The following NFYC variants were observed in gnomAD, a reference collection of about 807,000 sequenced individuals.
NFYC encodes the protein CAAT box DNA-binding protein subunit C.
NFYC carries 25 observed loss-of-function variants against 53.1 expected under a neutral mutation model. The ratio of observed to expected loss-of-function variants is 0.47; its 90% CI spans 0.34 to 0.66. NFYC has a LOEUF of 0.66. Ranked by LOEUF, NFYC falls within the 30% of genes least tolerant of loss-of-function variation. The pLI is 0.01. For synonymous variants in NFYC, 145 were observed against 152.6 expected (o/e 0.95, Z 0.37); for missense variants, 260 against 422.7 (o/e 0.62, Z 3.38).
rs1647026562 is a variant in NFYC at position 40,770,331 on chromosome 1, G to T, written c.889-378G>T. 2.1e-6 allele frequency: 3 copies of T among 1,450,882 alleles called. No homozygotes were observed. Among genetic ancestry groups the T allele is most frequent in the Middle Eastern group, 1.8e-4 (1 of 5,624 alleles). 89.9% of individuals were successfully genotyped at this position (1,450,882 alleles called of 1,614,324 possible). The stretch of plus-strand genomic sequence containing the variant: ...TGCCCCTGCCAGTGTAGATTACCAA[G>T]AGTTGGGGAAATGCTGACTTCCAAG... On this transcript the variant is annotated intron_variant, in intron 9 of 9. Transcript: ENST00000447388. This position sits in a 1 kb window ranked among gnomAD's most constrained non-coding sequence, Gnocchi z 5.3.
intron 3 of NFYC, 82 bp from the exon 4 acceptor site, chr1:40,749,491 C>A: frequency 1.9e-6 from 2 of 1,073,544 alleles, no homozygotes; most frequent in Non-Finnish European, 2.9e-6. Context: ...CCCCATAGTC[C>A]CATGCCAGGC....
chr1:40,748,159 T>C (rs1466175449), intron 3 of NFYC, among the ~76,000 whole-genome samples: 5 of 151,536 alleles, frequency 3.3e-5, no homozygotes, highest in Non-Finnish European at 7.4e-5. Context: ...TGAGACAGGG[T>C]CTCACTCTGT....
At position 40,771,315 on chromosome 1, in the gene NFYC, CT is replaced by C; in HGVS notation, c.*492del. ...GGAATTAGGTGAATGTGTGTAGCTG[CT>C]TTTTCACTCGTGGTCCTCTCCCCAT... On this transcript the variant is annotated 3_prime_UTR_variant, in exon 10 of 10. Coordinates refer to ENST00000447388, the MANE Select transcript of NFYC (RefSeq NM_014223.5). The C allele has an allele frequency of 2.6e-6, 1 of 388,188 alleles. No individual in the cohort carries two copies. 24.0% of individuals were successfully genotyped at this position (388,188 alleles called of 1,614,324 possible). A position where few individuals can be genotyped will look rare whatever the true frequency, so the allele number is the denominator to read the frequency against.
At chr1:40,750,183 G>A (rs141580620) in intron 4 of NFYC, among the ~76,000 whole-genome samples, 44 of 150,728 alleles carry the variant, frequency 2.9e-4, no homozygotes, top group East Asian at 2.5e-3. Context: ...TTAACCTAGC[G>A]AATTCACATT....
chr1:40,769,456 G>A (rs1055354512), intron 9 of NFYC, 41 bp downstream of exon 9: 1 of 1,580,794 alleles, frequency 6.3e-7, no homozygotes, highest in Admixed American at 1.7e-5. Context: ...GTGAGGATTT[G>A]CGGGGCAGGG....
At chr1:40,734,443 A>C (rs770429359) in intron 1 of NFYC, among the ~76,000 whole-genome samples, 1 of 151,258 alleles carries the variant, frequency 6.6e-6, no homozygotes, top group Non-Finnish European at 1.5e-5. Flanking sequence ...GCTCACTGCA[A>C]CCTCCACCTC....
intron 1 of NFYC, 65 bp from the exon 2 acceptor site, chr1:40,738,771 C>T: frequency 5.2e-6 from 6 of 1,161,538 alleles, no homozygotes; most frequent in Non-Finnish European, 7.6e-6. Flanking sequence ...ATACAAATGC[C>T]TAATCTGGAC....
chr1:40,718,284 C>T (rs1210147835), intron 1 of NFYC, among the ~76,000 whole-genome samples: 2 of 152,148 alleles, frequency 1.3e-5, no homozygotes, highest in African/African-American at 4.8e-5. Context: ...ATTATCATCC[C>T]CCATTTTGAG....
intron 1 of NFYC, among the ~76,000 whole-genome samples, chr1:40,710,057 G>T (rs985860379): frequency 1.1e-4 from 17 of 152,178 alleles, no homozygotes; most frequent in African/African-American, 3.9e-4. Flanking sequence ...GTGAAAATAC[G>T]ATTTGCACTG....
intron 2 of NFYC, among the ~76,000 whole-genome samples, chr1:40,746,767 C>T (rs1645628121): frequency 6.6e-6 from 1 of 152,170 alleles, no homozygotes; most frequent in African/African-American, 2.4e-5. Flanking sequence ...GCTTAAGTCT[C>T]AAATTATTGA....
At chr1:40,722,675 G>A (rs4363413) in intron 1 of NFYC, among the ~76,000 whole-genome samples, 133,518 of 152,224 alleles carry the variant, frequency 0.88, 58,676 homozygotes, top group East Asian at 0.98. Flanking sequence ...GTGTGTTTCA[G>A]CTGCTCTGTG....
Position 40,770,805 on chromosome 1 carries a change from G to GC in NFYC, c.991dup (p.Gln331ProfsTer9). The GC allele has an allele frequency of 6.2e-7, 1 of 1,610,826 alleles. No individual in the cohort carries two copies. The highest frequency in any genetic ancestry group is 8.5e-7 in the Non-Finnish European group (1 of 1,180,008). ...AGCCAACCAGCCCTCCGACGGGCAGGCCCCCCAGGTGACCGGCGACTGAGG... is the reference window on the plus strand; with the variant it reads ...AGCCAACCAGCCCTCCGACGGGCAGGCCCCCCCAGGTGACCGGCGACTGAGG... On this transcript the variant is annotated frameshift_variant, in exon 10 of 10. Coordinates refer to ENST00000447388, the MANE Select transcript of NFYC (RefSeq NM_014223.5). LOFTEE classifies it high-confidence loss of function. The surrounding 1 kb of genome is among the most constrained non-coding windows in gnomAD (Gnocchi z 5.3).
At chr1:40,720,753 C>T (rs995665099) in intron 1 of NFYC, among the ~76,000 whole-genome samples, 1 of 152,072 alleles carries the variant, frequency 6.6e-6, no homozygotes, top group Non-Finnish European at 1.5e-5. Flanking sequence ...CTGTAGTCCC[C>T]GCTACTCAGG....
chr1:40,720,070 G>A (rs1449321084), intron 1 of NFYC, among the ~76,000 whole-genome samples: 1 of 152,160 alleles, frequency 6.6e-6, no homozygotes, highest in Non-Finnish European at 1.5e-5. Flanking sequence ...GTTCCTGACA[G>A]CTGTATACAT....
chr1:40,768,978 C>G (rs1195076168), intron 8 of NFYC: 1 of 176,470 alleles, frequency 5.7e-6, no homozygotes, highest in Non-Finnish European at 1.2e-5. Flanking sequence ...ACTTTGCAGT[C>G]CGCCTTCACT....
At chr1:40,729,117 A>T (rs1286888937) in intron 1 of NFYC, among the ~76,000 whole-genome samples, 1 of 152,226 alleles carries the variant, frequency 6.6e-6, no homozygotes, top group African/African-American at 2.4e-5. Context: ...TAGATTTTGT[A>T]TAATTCTTAA....
intron 8 of NFYC, 106 bp downstream of exon 8, chr1:40,766,809 A>G (rs766412658): frequency 1.7e-5 from 25 of 1,479,896 alleles, no homozygotes; most frequent in African/African-American, 7.0e-5. Context: ...TCATCCTTCA[A>G]CCAGAAGCAC....
At chr1:40,722,517 TC>T (rs746369305) in intron 1 of NFYC, among the ~76,000 whole-genome samples, 1 of 152,192 alleles carries the variant, frequency 6.6e-6, no homozygotes, top group Non-Finnish European at 1.5e-5. Context: ...AGCTAGTTGG[TC>T]TTTAGGCTCG....
chr1:40,733,008 G>T (rs891377109), intron 1 of NFYC, among the ~76,000 whole-genome samples: 7 of 53,342 alleles, frequency 1.3e-4, no homozygotes, highest in African/African-American at 4.9e-4. Context: ...TCCAAGATTC[G>T]CCCCCCCCCC....
Sources: allele counts gnomAD v4.1 joint callset (sites outside exome capture counted in the v4.1 genomes callset), GRCh38; gene constraint gnomAD v4.1.1; non-coding constraint Gnocchi (gnomAD v3.1); transcripts MANE v1.5; gene names NCBI Gene and HGNC (gene_info 2026-07-23, HGNC 2026-07-21).